The following RALGAPA2 variants were observed in gnomAD, a reference collection of about 807,000 sequenced individuals.
RALGAPA2 encodes Ral GTPase activating protein catalytic subunit alpha 2, also known as ral GTPase-activating protein subunit alpha-2.
In RALGAPA2, 139 loss-of-function variants were observed where a neutral mutation model predicts 230.4. That is an observed-to-expected ratio of 0.60 (90% CI 0.53 to 0.69). The LOEUF (loss-of-function observed/expected upper bound fraction) is 0.69. Ranked by LOEUF, RALGAPA2 falls within the 30% of genes least tolerant of loss-of-function variation. The probability of loss-of-function intolerance (pLI) is 0.00; values close to 1 mark genes in which losing one functional copy is unlikely to be tolerated. For synonymous variants in RALGAPA2, 847 were observed against 837.8 expected (o/e 1.01, Z -0.19); for missense variants, 2,163 against 2,276.0 (o/e 0.95, Z 1.01).
rs1440724908 is a variant in RALGAPA2 at position 20,601,774 on chromosome 20, T to C, written c.2111A>G (p.Asp704Gly). 1.2e-6 allele frequency: 2 copies of C among 1,613,602 alleles called. No homozygotes were observed. The highest frequency in any genetic ancestry group is 1.3e-5 in the African/African-American group (1 of 74,934). Residue 704 changes from aspartate (D) to glycine (G), a missense_variant, in exon 16 of 40, where the codon GAT (aspartate) becomes GGT (glycine). Physicochemically the swap from Asp to Gly is moderately conservative, Grantham distance 94 (BLOSUM62 -1). Coordinates refer to ENST00000202677, the MANE Select transcript of RALGAPA2 (RefSeq NM_020343.4). ...SFSLSWRSHP[D>G]VTEPMRFRSA... Reference sequence around the variant, plus strand: ...CCTAAATCGCATCGGTTCGGTCACATCTGGGTGGCTCCGCCAGCTGAGAGA... The same window carrying C: ...CCTAAATCGCATCGGTTCGGTCACACCTGGGTGGCTCCGCCAGCTGAGAGA...
chr20:20,509,317 T>C (rs754373419), intron 33 of RALGAPA2, among the ~76,000 whole-genome samples: 1 of 152,180 alleles, frequency 6.6e-6, no homozygotes, highest in Non-Finnish European at 1.5e-5. Context: ...TTATTCAAAT[T>C]CAAATCTTTT....
intron 35 of RALGAPA2, among the ~76,000 whole-genome samples, chr20:20,498,926 A>C (rs1227959624): frequency 6.6e-6 from 1 of 152,246 alleles, no homozygotes; most frequent in Non-Finnish European, 1.5e-5. Flanking sequence ...ATTAGCTGTG[A>C]AAAATCTAAT....
chr20:20,580,174 C>T (rs2064944785), intron 20 of RALGAPA2, among the ~76,000 whole-genome samples: 1 of 151,944 alleles, frequency 6.6e-6, no homozygotes, highest in Admixed American at 6.6e-5. Context: ...CATAAATGTC[C>T]CCCTCCCCTG....
Position 20,698,077 on chromosome 20 carries a change from GA to G in RALGAPA2, c.106+14297del, listed in dbSNP as rs914297761. ...TGGTGGAGCAGAATAATTAAGAAAA[GA>G]AAAAAAAAAGCCTAGTCTGGTTAAA... is the stretch of plus-strand genomic sequence containing the variant. On this transcript the variant is annotated intron_variant, in intron 1 of 39. Coordinates refer to ENST00000202677, the MANE Select transcript of RALGAPA2 (RefSeq NM_020343.4). 5.3e-3 allele frequency among the ~76,000 whole-genome samples: 767 copies of G among 145,774 alleles called. 5 individuals carry two copies. Among genetic ancestry groups the G allele is most frequent in the African/African-American group, 0.018 (720 of 39,760 alleles).
chr20:20,411,208 C>T (rs2060052682), intron 38 of RALGAPA2, among the ~76,000 whole-genome samples: 1 of 152,270 alleles, frequency 6.6e-6, no homozygotes, highest in South Asian at 2.1e-4. Context: ...CTGAGAATCT[C>T]AACATGCATT....
At chr20:20,459,863 A>G (rs982597913) in intron 37 of RALGAPA2, among the ~76,000 whole-genome samples, 2 of 152,206 alleles carry the variant, frequency 1.3e-5, no homozygotes, top group African/African-American at 4.8e-5. Flanking sequence ...TCGAGCTCCC[A>G]TGACCCACTG....
chr20:20,529,850 C>A (rs1436190828), intron 27 of RALGAPA2, among the ~76,000 whole-genome samples: 1 of 152,178 alleles, frequency 6.6e-6, no homozygotes, highest in Non-Finnish European at 1.5e-5. Context: ...GTGTGTCTAT[C>A]TCCTTCAATC....
chr20:20,642,503 G>A (rs2146524264), intron 5 of RALGAPA2, among the ~76,000 whole-genome samples: 1 of 152,272 alleles, frequency 6.6e-6, no homozygotes, highest in South Asian at 2.1e-4. Flanking sequence ...GAGCCACTGT[G>A]CCTGGCCAGC....
At chr20:20,493,245 C>G (rs907697016) in intron 36 of RALGAPA2, among the ~76,000 whole-genome samples, 1 of 152,142 alleles carries the variant, frequency 6.6e-6, no homozygotes, top group African/African-American at 2.4e-5. Flanking sequence ...GCCACACTTG[C>G]CCTGGAAATG....
chr20:20,618,871 A>G (rs1337852780), intron 12 of RALGAPA2, among the ~76,000 whole-genome samples: 1 of 152,236 alleles, frequency 6.6e-6, no homozygotes, highest in African/African-American at 2.4e-5. Flanking sequence ...TTCTTTGTAA[A>G]CACAGCCAAT....
chr20:20,524,175 C>G (rs2145479674), intron 30 of RALGAPA2, among the ~76,000 whole-genome samples: 1 of 152,282 alleles, frequency 6.6e-6, no homozygotes, highest in East Asian at 1.9e-4. Context: ...CCAGGATGGT[C>G]TCAATCTCCT....
Position 20,453,844 on chromosome 20 carries a change from A to G in RALGAPA2, c.5495+18985T>C, listed in dbSNP as rs901886107. Among the ~76,000 whole-genome samples the G allele has an allele frequency of 2.6e-5, 4 of 152,360 alleles. No individual in the cohort carries two copies. The East Asian group carries it at 7.7e-4, about 29-fold the overall frequency. Reference sequence around the variant, plus strand: ...TTTTGTTGAATGAATGAGTACACTAACGAAAAAAATGCTTTTGGACTTTTC... The same window carrying G: ...TTTTGTTGAATGAATGAGTACACTAGCGAAAAAAATGCTTTTGGACTTTTC... On this transcript the variant is annotated intron_variant, in intron 37 of 39. Transcript: ENST00000202677.
intron 36 of RALGAPA2, among the ~76,000 whole-genome samples, chr20:20,484,514 G>A (rs1345310014): frequency 6.6e-6 from 1 of 152,110 alleles, no homozygotes; most frequent in Non-Finnish European, 1.5e-5. Flanking sequence ...TGCAGAGCCT[G>A]AGCCAGACAC....
At chr20:20,588,937 G>C (rs1244631409) in intron 18 of RALGAPA2, among the ~76,000 whole-genome samples, 1 of 151,968 alleles carries the variant, frequency 6.6e-6, no homozygotes, top group Admixed American at 6.6e-5. Flanking sequence ...TTCATGTCAG[G>C]TAGAGGCTAC....
chr20:20,451,669 C>T (rs1458098934), intron 37 of RALGAPA2, among the ~76,000 whole-genome samples: 1 of 152,114 alleles, frequency 6.6e-6, no homozygotes, highest in East Asian at 1.9e-4. Flanking sequence ...CAAATAACTG[C>T]CTTATTTTAG....
intron 10 of RALGAPA2, among the ~76,000 whole-genome samples, chr20:20,624,328 CAAAAAAAAA>C (rs748683871): frequency 4.1e-5 from 2 of 49,158 alleles, no homozygotes; most frequent in East Asian, 4.8e-4. Context: ...ACTCCATCTC[CAAAAAAAAA>C]AAAAAAAAAA....
chr20:20,410,273 T>C (rs1369086878), intron 38 of RALGAPA2, among the ~76,000 whole-genome samples: 1 of 152,252 alleles, frequency 6.6e-6, no homozygotes, highest in African/African-American at 2.4e-5. Context: ...AATTAGTTTA[T>C]ACAGAGGCTA....
chr20:20,473,799 T>C (rs1602477295), intron 36 of RALGAPA2, among the ~76,000 whole-genome samples: 2 of 152,218 alleles, frequency 1.3e-5, no homozygotes, highest in African/African-American at 4.8e-5. Flanking sequence ...AACATGCAGA[T>C]TGTAAGTTCC....
At chr20:20,494,653 A>G (rs2062153231) in intron 36 of RALGAPA2, among the ~76,000 whole-genome samples, 1 of 152,180 alleles carries the variant, frequency 6.6e-6, no homozygotes, top group African/African-American at 2.4e-5. Flanking sequence ...CATGCCTGCA[A>G]TTCTGCAGGA....
Sources: allele counts gnomAD v4.1 joint callset (sites outside exome capture counted in the v4.1 genomes callset), GRCh38; gene constraint gnomAD v4.1.1; transcripts MANE v1.5; gene names NCBI Gene and HGNC (gene_info 2026-07-23, HGNC 2026-07-21).